Variants in B3GALT1 observed in about 807,000 individuals in gnomAD.
B3GALT1 encodes beta-1,3-galactosyltransferase 1, also known as UDP-Gal:betaGlcNAc beta 1,3-galactosyltransferase, polypeptide 1.
A neutral mutation model predicts 23.2 loss-of-function variants in B3GALT1; 10 were observed. The observed-to-expected ratio is 0.43, with a 90% CI of 0.27 to 0.73. B3GALT1 has a LOEUF of 0.73. Ranked by LOEUF, B3GALT1 falls within the 30% of genes least tolerant of loss-of-function variation. B3GALT1 has a pLI of 0.21. For synonymous variants in B3GALT1, 156 were observed against 141.5 expected (o/e 1.10, Z -0.73); for missense variants, 299 against 405.4 (o/e 0.74, Z 2.25).
chr2:167,774,498 T>TTTTTTTTTTTTTTTTTTG (rs1558974793), intron 3 of B3GALT1, among the ~76,000 whole-genome samples: 1 of 34,460 alleles, frequency 2.9e-5, no homozygotes, highest in Non-Finnish European at 4.4e-5. Flanking sequence ...TTTTTTTTTG[T>TTTTTTTTTTTTTTTTTTG]TTTTTTTTTT....
chr2:167,609,646 T>C (rs1317886841), intron 2 of B3GALT1, among the ~76,000 whole-genome samples: 2 of 152,158 alleles, frequency 1.3e-5, no homozygotes, highest in Non-Finnish European at 2.9e-5. Context: ...GGAAGAACTT[T>C]CTTACAGGTC....
At chr2:167,602,334 T>G (rs937570098) in intron 2 of B3GALT1, among the ~76,000 whole-genome samples, 1 of 152,140 alleles carries the variant, frequency 6.6e-6, no homozygotes, top group Non-Finnish European at 1.5e-5. Context: ...GACAGAGAGC[T>G]GCAGTGCCAC....
chr2:167,786,294 T>C (rs759766488), intron 3 of B3GALT1, among the ~76,000 whole-genome samples: 9 of 152,224 alleles, frequency 5.9e-5, no homozygotes, highest in Non-Finnish European at 1.2e-4. Context: ...GCATCACTTG[T>C]CTTACAGAAC....
chr2:167,686,879 G>A (rs1159889887), intron 3 of B3GALT1, among the ~76,000 whole-genome samples: 1 of 152,130 alleles, frequency 6.6e-6, no homozygotes, highest in Non-Finnish European at 1.5e-5. Flanking sequence ...AGCACGTCAG[G>A]CCCTCTGCTG....
intron 1 of B3GALT1, among the ~76,000 whole-genome samples, chr2:167,481,286 A>G (rs1699561322): frequency 6.6e-6 from 1 of 152,190 alleles, no homozygotes; most frequent in Non-Finnish European, 1.5e-5. Flanking sequence ...ACCCCGCTAC[A>G]GAACAAACCC....
At chr2:167,624,879 A>G (rs544626853) in intron 2 of B3GALT1, among the ~76,000 whole-genome samples, 1 of 152,140 alleles carries the variant, frequency 6.6e-6, no homozygotes, top group Non-Finnish European at 1.5e-5. Context: ...TAACTACTTT[A>G]TGGAAAAAAT....
chr2:167,577,997 A>G lies in B3GALT1; in HGVS notation c.-409-68912A>G, dbSNP rs1684414086. Among the ~76,000 whole-genome samples the G allele has an allele frequency of 2.0e-5, 3 of 151,972 alleles. No homozygotes were observed. The South Asian group carries it at 6.2e-4, about 31-fold the overall frequency. On this transcript the variant is annotated intron_variant, in intron 2 of 4. Transcript: ENST00000392690. ...TTGAGTATATTAAAATCTTGCATAA[A>G]TAAAGCAATCAAAAATTTTTTTTAC...
intron 1 of B3GALT1, among the ~76,000 whole-genome samples, chr2:167,373,486 A>G (rs1697716374): frequency 6.6e-6 from 1 of 152,296 alleles, no homozygotes; most frequent in Middle Eastern, 3.4e-3. Flanking sequence ...ACATATATCA[A>G]ACAAACGACT....
chr2:167,832,234 G>A (rs1213127026), intron 4 of B3GALT1, among the ~76,000 whole-genome samples: 3 of 152,114 alleles, frequency 2.0e-5, no homozygotes, highest in Non-Finnish European at 2.9e-5. Context: ...GGAATTAGAC[G>A]TCTCTAAATA....
At chr2:167,349,523 C>T (rs1318403371) in intron 1 of B3GALT1, among the ~76,000 whole-genome samples, 4 of 152,066 alleles carry the variant, frequency 2.6e-5, no homozygotes, top group African/African-American at 4.8e-5. Flanking sequence ...AATTGTATGC[C>T]GAGGTTGTTG....
rs1249963845 is a variant in B3GALT1, at chr2:167,420,121, A to C, written c.-510-70056A>C. Reference sequence around the variant, plus strand: ...ATGAGCTGAAGGTTCATTTTGCGGCAGTCCAGAGTGCTGTATATAGTGCAG... The same window carrying C: ...ATGAGCTGAAGGTTCATTTTGCGGCCGTCCAGAGTGCTGTATATAGTGCAG... On this transcript the variant is annotated intron_variant, in intron 1 of 4. Transcript: ENST00000392690. Among the ~76,000 whole-genome samples, 3 of 152,260 alleles carry C rather than the reference A, an allele frequency of 2.0e-5. No homozygotes were observed. The East Asian group carries it at 5.9e-4, about 30-fold the overall frequency.
At chr2:167,717,383 G>A (rs940014395) in intron 3 of B3GALT1, among the ~76,000 whole-genome samples, 8 of 151,508 alleles carry the variant, frequency 5.3e-5, no homozygotes, top group Non-Finnish European at 1.0e-4. Context: ...TTGGTGTGCG[G>A]CACCCATTAA....
chr2:167,338,729 G>GA (rs1224576635), intron 1 of B3GALT1, among the ~76,000 whole-genome samples: 2 of 151,930 alleles, frequency 1.3e-5, no homozygotes, highest in Admixed American at 6.6e-5. Context: ...AGCCATAATG[G>GA]AAAAAAGTGA....
chr2:167,527,837 T>G lies in B3GALT1; in HGVS notation c.-410+37560T>G, dbSNP rs527995824. 7.2e-5 allele frequency among the ~76,000 whole-genome samples: 11 copies of G among 152,262 alleles called. No individual in the cohort carries two copies. The South Asian group carries it at 1.7e-3, about 23-fold the overall frequency. ...TGCATATGTAACGGCAATGTCAAGT[T>G]TAGAACCTGAAGTTTGTCTACTCTA... On this transcript the variant is annotated intron_variant, in intron 2 of 4. Coordinates refer to ENST00000392690, the MANE Select transcript of B3GALT1 (RefSeq NM_020981.4).
chr2:167,600,352 T>C (rs557070493), intron 2 of B3GALT1, among the ~76,000 whole-genome samples: 1 of 152,362 alleles, frequency 6.6e-6, no homozygotes, highest in South Asian at 2.1e-4. Flanking sequence ...AGTCACTATT[T>C]ATTTGCTAAC....
At chr2:167,692,368 T>C (rs983004982) in intron 3 of B3GALT1, among the ~76,000 whole-genome samples, 1 of 152,170 alleles carries the variant, frequency 6.6e-6, no homozygotes, top group African/African-American at 2.4e-5. Context: ...TGAGCCTTTC[T>C]ATTCCATGGC....
At chr2:167,448,243 G>C (rs962518699) in intron 1 of B3GALT1, among the ~76,000 whole-genome samples, 1 of 152,100 alleles carries the variant, frequency 6.6e-6, no homozygotes, top group Non-Finnish European at 1.5e-5. Context: ...CCTACCAGCA[G>C]TGGAAAAGTG....
chr2:167,666,997 C>T (rs898769037), intron 3 of B3GALT1, among the ~76,000 whole-genome samples: 8 of 147,272 alleles, frequency 5.4e-5, no homozygotes, highest in African/African-American at 1.6e-4. Flanking sequence ...GTCATTATGA[C>T]GATTGTTGGT....
intron 2 of B3GALT1, among the ~76,000 whole-genome samples, chr2:167,629,527 A>C (rs1026569628): frequency 6.6e-6 from 1 of 151,700 alleles, no homozygotes; most frequent in East Asian, 1.9e-4. Context: ...AAGGTCCTCT[A>C]TGGATTCATT....
Sources: gnomAD v4.1 joint callset for allele counts (sites outside exome capture counted in the v4.1 genomes callset) on GRCh38, gnomAD v4.1.1 for gene constraint, MANE v1.5 for transcripts, NCBI Gene and HGNC (gene_info 2026-07-23, HGNC 2026-07-21) for gene names.